The following ADAMTSL1 variants were observed in gnomAD, a reference collection of about 807,000 sequenced individuals.
The protein encoded by ADAMTSL1 is ADAMTS like 1.
Under a neutral mutation model 201.8 loss-of-function variants are expected in ADAMTSL1, and 126 were observed. The ratio of observed to expected loss-of-function variants is 0.62; its 90% CI spans 0.54 to 0.72. ADAMTSL1 has a LOEUF of 0.72. Ranked by LOEUF, ADAMTSL1 falls within the 30% of genes least tolerant of loss-of-function variation. The pLI is 0.00. For synonymous variants in ADAMTSL1, 1,121 were observed against 903.4 expected (o/e 1.24, Z -4.32); for missense variants, 2,679 against 2,277.8 (o/e 1.18, Z -3.59).
In ADAMTSL1 at chr9:18,746,635, G is replaced by C. The variant is rs149541194; in HGVS notation, c.2007-6663G>C. Among the ~76,000 whole-genome samples the C allele has an allele frequency of 7.3e-3, 1,111 of 152,168 alleles. 8 individuals carry two copies. The highest frequency in any genetic ancestry group is 0.011 in the Non-Finnish European group (714 of 68,000). Reference sequence around the variant, plus strand: ...GGGCATAATAGCTCAGGGTGGGAAGGGTCTGCCATTAGAAATTATGAACAT... The same window carrying C: ...GGGCATAATAGCTCAGGGTGGGAAGCGTCTGCCATTAGAAATTATGAACAT... On this transcript the variant is annotated intron_variant, in intron 15 of 28. Coordinates refer to ENST00000380548, the MANE Select transcript of ADAMTSL1 (RefSeq NM_001040272.6).
intron 1 of ADAMTSL1, among the ~76,000 whole-genome samples, chr9:18,050,100 A>G (rs909735417): frequency 1.3e-5 from 2 of 152,180 alleles, no homozygotes; most frequent in South Asian, 2.1e-4. Context: ...TAATGTTTGG[A>G]TTTTCTTACA....
intron 4 of ADAMTSL1, among the ~76,000 whole-genome samples, chr9:18,595,110 C>A (rs1824177999): frequency 6.6e-6 from 1 of 152,088 alleles, no homozygotes; most frequent in Admixed American, 6.6e-5. Context: ...CCAGATGGAT[C>A]TGGGGAAGAT....
rs1394746473 is a variant in ADAMTSL1 at position 18,887,917 on chromosome 9, C to G, written c.4336C>G (p.His1446Asp). 5 of 1,613,870 alleles carry G rather than the reference C, an allele frequency of 3.1e-6. No homozygotes were observed. Among genetic ancestry groups the G allele is most frequent in the Non-Finnish European group, 4.2e-6 (5 of 1,179,900 alleles). ...TGTCACTGCCACAGGACTGACGCAT[C>G]ACATCTTGGCAGCTGGACAGATCCT... ...PIVTATGLTH[H>D]ILAAGQILQV... Residue 1446 changes from histidine to aspartate, a missense_variant, in exon 24 of 29, where the codon CAC becomes GAC. Transcript: ENST00000380548.
chr9:18,366,823 G>C (rs1836789997), intron 2 of ADAMTSL1, among the ~76,000 whole-genome samples: 1 of 151,754 alleles, frequency 6.6e-6, no homozygotes. Flanking sequence ...GGCCAGGCTG[G>C]TCTCAAACTC....
intron 15 of ADAMTSL1, among the ~76,000 whole-genome samples, chr9:18,727,808 A>G (rs1290008544): frequency 6.6e-6 from 1 of 152,180 alleles, no homozygotes; most frequent in African/African-American, 2.4e-5. Context: ...GGCTGGGCAC[A>G]GTGGCTCATG....
chr9:18,306,685 G>A (rs1239835858), intron 2 of ADAMTSL1, among the ~76,000 whole-genome samples: 1 of 152,120 alleles, frequency 6.6e-6, no homozygotes, highest in East Asian at 1.9e-4. Flanking sequence ...CAAGAAATAT[G>A]GGACTATGTG....
intron 2 of ADAMTSL1, among the ~76,000 whole-genome samples, chr9:18,363,543 A>G (rs1250364149): frequency 1.3e-5 from 2 of 152,190 alleles, no homozygotes; most frequent in African/African-American, 4.8e-5. Flanking sequence ...TTAAAATAGG[A>G]ATAGATAATT....
At chr9:18,353,172 A>G (rs758244184) in intron 2 of ADAMTSL1, among the ~76,000 whole-genome samples, 3 of 152,202 alleles carry the variant, frequency 2.0e-5, no homozygotes, top group South Asian at 2.1e-4. Context: ...AACTCAGTTC[A>G]TTTATATTCT....
intron 1 of ADAMTSL1, among the ~76,000 whole-genome samples, chr9:18,119,512 A>G (rs1825407966): frequency 6.6e-6 from 1 of 152,092 alleles, no homozygotes; most frequent in Non-Finnish European, 1.5e-5. Context: ...CATGTTGGCC[A>G]GACTGGTCTC....
At chr9:18,344,859 G>A (rs905256313) in intron 2 of ADAMTSL1, among the ~76,000 whole-genome samples, 1 of 152,106 alleles carries the variant, frequency 6.6e-6, no homozygotes, top group South Asian at 2.1e-4. Flanking sequence ...GAACCCATGG[G>A]GTTCTGAAGG....
chr9:18,625,447 T>C lies in ADAMTSL1; in HGVS notation c.601+3078T>C, dbSNP rs1428333320. ...AAAATCATCTTTTTATTAAAAGACA[T>C]TACAATTGCCTAATACAAATACAGA... is the stretch of plus-strand genomic sequence containing the variant. On this transcript the variant is annotated intron_variant, in intron 5 of 28. Transcript: ENST00000380548. Among the ~76,000 whole-genome samples, 4 of 152,102 alleles carry C rather than the reference T, an allele frequency of 2.6e-5. No homozygotes were observed. In the East Asian group the frequency reaches 7.7e-4, roughly 29 times the overall value.
At chr9:18,327,356 A>T (rs1487608752) in intron 2 of ADAMTSL1, among the ~76,000 whole-genome samples, 1 of 152,232 alleles carries the variant, frequency 6.6e-6, no homozygotes, top group African/African-American at 2.4e-5. Flanking sequence ...CGCGTTAATG[A>T]TCCCAGAGTA....
At chr9:18,892,093 T>G (rs1444930317) in intron 25 of ADAMTSL1, among the ~76,000 whole-genome samples, 1 of 152,212 alleles carries the variant, frequency 6.6e-6, no homozygotes. Context: ...GTATGAACAC[T>G]TGTTATGGCA....
intron 1 of ADAMTSL1, among the ~76,000 whole-genome samples, chr9:17,937,928 C>T (rs1827082399): frequency 6.6e-6 from 1 of 152,042 alleles, no homozygotes; most frequent in Admixed American, 6.6e-5. Flanking sequence ...AGAGAAGTAA[C>T]AGAAGTATGA....
chr9:18,160,651 T>C (rs893015996), intron 1 of ADAMTSL1, among the ~76,000 whole-genome samples: 1 of 149,824 alleles, frequency 6.7e-6, no homozygotes, highest in East Asian at 2.0e-4. Flanking sequence ...GAAATACAAT[T>C]TTCTTTATTT....
At chr9:18,276,922 C>T (rs953961911) in intron 2 of ADAMTSL1, among the ~76,000 whole-genome samples, 3 of 150,424 alleles carry the variant, frequency 2.0e-5, no homozygotes, top group Non-Finnish European at 4.4e-5. Flanking sequence ...GATAAAACAT[C>T]CAAACCATAT....
intron 1 of ADAMTSL1, among the ~76,000 whole-genome samples, chr9:18,055,285 C>G (rs1822129281): frequency 6.6e-6 from 1 of 152,160 alleles, no homozygotes; most frequent in Non-Finnish European, 1.5e-5. Flanking sequence ...TTGGGCCTCA[C>G]AAACAGACTG....
At chr9:17,946,368 C>G (rs551994249) in intron 1 of ADAMTSL1, among the ~76,000 whole-genome samples, 1 of 152,038 alleles carries the variant, frequency 6.6e-6, no homozygotes, top group South Asian at 2.1e-4. Flanking sequence ...CAAGAACATT[C>G]TCGTAAATGG....
In ADAMTSL1 at chr9:18,588,917, AT is replaced by A. The variant is rs59155512; in HGVS notation, c.474+14661del. Among the ~76,000 whole-genome samples, 108 of 142,354 alleles carry A rather than the reference AT, an allele frequency of 7.6e-4. 1 individual carries two copies. Among genetic ancestry groups the A allele is most frequent in the East Asian group, 5.2e-3 (26 of 4,998 alleles). 93.4% of individuals were successfully genotyped at this position (142,354 alleles called of 152,430 possible). The stretch of plus-strand genomic sequence containing the variant: ...TATATATATATACATATATATACAC[AT>A]TTTTTTTTTGAGACAGAGTCTCACT... On this transcript the variant is annotated intron_variant, in intron 4 of 28. Transcript: ENST00000380548.
Sources: allele counts gnomAD v4.1 joint callset (sites outside exome capture counted in the v4.1 genomes callset), GRCh38; gene constraint gnomAD v4.1.1; transcripts MANE v1.5; gene names NCBI Gene and HGNC (gene_info 2026-07-23, HGNC 2026-07-21).